Variants in CAD observed in about 807,000 individuals in gnomAD.
The protein encoded by CAD is carbamoyl-phosphate synthetase 2, aspartate transcarbamylase, and dihydroorotase.
Under a neutral mutation model 237.2 loss-of-function variants are expected in CAD, and 81 were observed. The observed-to-expected ratio is 0.34, with a 90% CI of 0.29 to 0.41. The LOEUF is 0.41. CAD is among the 10% of genes least tolerant of loss of function. The pLI is 1.00. For synonymous variants in CAD, 1,196 were observed against 1,162.8 expected, an observed-to-expected ratio of 1.03 and a Z score of -0.58; for missense variants, 2,181 against 2,951.7, an observed-to-expected ratio of 0.74 and a Z score of 6.05.
rs1271441532 is a variant in CAD at position 27,240,013 on chromosome 2, G to C, written c.5496+215G>C. On this transcript the variant is annotated intron_variant, in intron 34 of 43. Coordinates refer to ENST00000264705, the MANE Select transcript of CAD (RefSeq NM_004341.5). The surrounding 1 kb of genome is among the most constrained non-coding windows in gnomAD (Gnocchi z 4.6). ...CCCAGCACTTTGGGAGGCCAAGGCA[G>C]GCGGATCATCTGAGGTCAGGAGTTT... 3 of 586,548 alleles carry C rather than the reference G, an allele frequency of 5.1e-6. No homozygotes were observed. Among genetic ancestry groups the C allele is most frequent in the Non-Finnish European group, 8.9e-6 (3 of 335,858 alleles). 36.3% of individuals were successfully genotyped at this position (586,548 alleles called of 1,614,324 possible). A position where few individuals can be genotyped will look rare whatever the true frequency, so the allele number is the denominator to read the frequency against.
Position 27,243,584 on chromosome 2 carries a change from A to G in CAD, c.*66A>G, listed in dbSNP as rs1261927046. On this transcript the variant is annotated 3_prime_UTR_variant, in exon 44 of 44. Transcript: ENST00000264705. ...TGGGCAAGGAATTCCAGTGCCTCCT[A>G]CGGGGGCAGCACACTTAGATATTCC... The G allele has an allele frequency of 5.1e-6, 6 of 1,166,338 alleles. No homozygotes were observed. Among genetic ancestry groups the G allele is most frequent in the Non-Finnish European group, 7.5e-6 (6 of 802,214 alleles). 72.2% of individuals were successfully genotyped at this position (1,166,338 alleles called of 1,614,324 possible).
intron 15 of CAD, among the ~76,000 whole-genome samples, chr2:27,230,494 C>T (rs1016267127): frequency 6.6e-6 from 1 of 151,892 alleles, no homozygotes; most frequent in African/African-American, 2.4e-5. Flanking sequence ...GACATGGTGA[C>T]ACGCACCTGT....
chr2:27,229,451 A>G (rs1470073304), intron 15 of CAD, among the ~76,000 whole-genome samples: 1 of 151,326 alleles, frequency 6.6e-6, no homozygotes, highest in Non-Finnish European at 1.5e-5. Context: ...TTTAATTATT[A>G]TTTGTAGAGA....
At chr2:27,220,501 T>A (rs567089180) in intron 2 of CAD, among the ~76,000 whole-genome samples, 1 of 151,492 alleles carries the variant, frequency 6.6e-6, no homozygotes, top group Non-Finnish European at 1.5e-5. Flanking sequence ...ATTCAAAAAA[T>A]TAGCCAGGTG....
Position 27,237,907 on chromosome 2 carries a change from G to A in CAD, c.4728+25G>A. 1 of 1,588,474 alleles carries A rather than the reference G, an allele frequency of 6.3e-7. No individual in the cohort carries two copies. Among genetic ancestry groups the A allele is most frequent in the Non-Finnish European group, 8.6e-7 (1 of 1,164,238 alleles). ...GGTAGGGAGTGTGCATGTGGCAGGA[G>A]GCCACCACCCAGTGTCTCCTGGCTT... On this transcript the variant is annotated intron_variant, in intron 29 of 43. Transcript: ENST00000264705. This position sits in a 1 kb window ranked among gnomAD's most constrained non-coding sequence, Gnocchi z 4.0.
chr2:27,240,291 C>G lies in CAD; in HGVS notation c.5523C>G (p.Ile1841Met). 1 of 1,614,082 alleles carries G rather than the reference C, an allele frequency of 6.2e-7. No individual in the cohort carries two copies. Among genetic ancestry groups the G allele is most frequent in the Non-Finnish European group, 8.5e-7 (1 of 1,179,996 alleles). The part of the protein sequence containing the change: ...TTTPERPRRG[I>M]PGLPDGRFHL... ...CACCTGAAAGACCCCGCCGTGGCAT[C>G]CCAGGGCTTCCTGATGGCCGCTTCC... The change falls in exon 35 of 44, where the codon ATC becomes ATG. Residue 1841 changes from isoleucine to methionine, a missense_variant. Physicochemically the swap from Ile to Met is conservative, Grantham distance 10 (BLOSUM62 1). Around this residue, in one of 12 missense-constraint regions of CAD, gnomAD observed 478 missense variants for 515.0 expected, o/e 0.93. Coordinates refer to ENST00000264705, the MANE Select transcript of CAD (RefSeq NM_004341.5). This position sits in a 1 kb window ranked among gnomAD's most constrained non-coding sequence, Gnocchi z 4.6.
chr2:27,219,683 G>T (rs1377748895), intron 2 of CAD, among the ~76,000 whole-genome samples: 1 of 151,984 alleles, frequency 6.6e-6, no homozygotes, highest in Non-Finnish European at 1.5e-5. Flanking sequence ...TCCGCCTCCC[G>T]GGTTCAAGCT....
chr2:27,217,724 C>A, intron 1 of CAD, 91 bp downstream of exon 1: 2 of 1,426,944 alleles, frequency 1.4e-6, no homozygotes, highest in East Asian at 2.4e-5. Context: ...GCCATTTTCC[C>A]GCCAGCGTAC....
intron 15 of CAD, among the ~76,000 whole-genome samples, chr2:27,231,132 A>T (rs1395926688): frequency 2.0e-5 from 3 of 152,136 alleles, no homozygotes; most frequent in African/African-American, 7.2e-5. Flanking sequence ...CAGCCTCTGG[A>T]GTAGCTGGGG....
chr2:27,234,788 C>T (rs1440456635), intron 23 of CAD, 103 bp downstream of exon 23: 3 of 1,120,228 alleles, frequency 2.7e-6, no homozygotes, highest in African/African-American at 1.6e-5. Flanking sequence ...GACTGCAAGG[C>T]ATTGCCGGAT....
intron 15 of CAD, among the ~76,000 whole-genome samples, chr2:27,228,870 C>T (rs1675574405): frequency 6.6e-6 from 1 of 151,742 alleles, no homozygotes. Flanking sequence ...GGATTACAGG[C>T]CACTGTGCCT....
intron 42 of CAD, 55 bp downstream of exon 42, chr2:27,243,028 T>A: frequency 6.8e-7 from 1 of 1,463,070 alleles, no homozygotes; most frequent in Non-Finnish European, 9.4e-7. Flanking sequence ...GCATCAGATA[T>A]GAGGACAGAA....
Position 27,232,605 on chromosome 2 carries a change from G to A in CAD, c.2803G>A (p.Val935Ile). ...TGACCTCACCTTTCGAACACCTCAT[G>A]TCCTAGTCCTTGGCTCTGGCGTCTA... ...THDLTFRTPH[V>I]LVLGSGVYRI... is the part of the protein sequence containing the mutation. Residue 935 changes from valine (V) to isoleucine (I), a missense_variant, in exon 18 of 44, where the codon GTC becomes ATC. Around this residue, in one of 12 missense-constraint regions of CAD, gnomAD observed 385 missense variants for 535.1 expected, o/e 0.72. Transcript: ENST00000264705. This position sits in a 1 kb window ranked among gnomAD's most constrained non-coding sequence, Gnocchi z 4.1. 6.2e-7 allele frequency: 1 copy of A among 1,614,222 alleles called. No homozygotes were observed. The highest frequency in any genetic ancestry group is 1.7e-5 in the Admixed American group (1 of 60,028).
chr2:27,238,754 A>C (rs1572449354), intron 31 of CAD, 122 bp downstream of exon 31: 1 of 910,284 alleles, frequency 1.1e-6, no homozygotes, highest in Non-Finnish European at 1.6e-6. Flanking sequence ...TCCGTATGGG[A>C]CCCTAGCCTC....
chr2:27,240,353 G>A lies in CAD; in HGVS notation c.5585G>A (p.Gly1862Asp). 1.9e-6 allele frequency: 3 copies of A among 1,614,136 alleles called. No homozygotes were observed. Among genetic ancestry groups the A allele is most frequent in the Non-Finnish European group, 2.5e-6 (3 of 1,180,004 alleles). ...PPRIHRASDPGLPAEEPKEKS... is the reference protein window; with the variant it reads ...PPRIHRASDPDLPAEEPKEKS... ...CGAATCCATCGAGCCTCCGACCCAG[G>A]TTTGCCAGGTAAGAGTGGGGTTCCT... Residue 1862 changes from glycine to aspartate, a missense_variant, in exon 35 of 44, where the codon GGT becomes GAT. By Grantham distance (94) the Gly-to-Asp change is moderately conservative (BLOSUM62 -1). This residue lies in a region of CAD where 203 missense variants were observed against 284.5 expected (regional missense o/e 0.71). Coordinates refer to ENST00000264705, the MANE Select transcript of CAD (RefSeq NM_004341.5). This position sits in a 1 kb window ranked among gnomAD's most constrained non-coding sequence, Gnocchi z 4.6.
chr2:27,223,779 T>C (rs747977795), intron 7 of CAD, 31 bp downstream of exon 7: 6 of 1,610,788 alleles, frequency 3.7e-6, no homozygotes, highest in Non-Finnish European at 5.1e-6. Flanking sequence ...CTGTGAAAAT[T>C]TGAAGCCCTG....
chr2:27,231,496 TGAG>T lies in CAD; in HGVS notation c.2321_2323del (p.Glu774del). ...AAGTCATGGGCATTGGGCGTTCATT[TGAG>T]GAGGCCTTCCAGAAGGCCCTGCGCA... On this transcript the variant is annotated inframe_deletion, in exon 16 of 44. Transcript: ENST00000264705. 6.2e-7 allele frequency: 1 copy of T among 1,612,690 alleles called. No homozygotes were observed. Among genetic ancestry groups the T allele is most frequent in the Non-Finnish European group, 8.5e-7 (1 of 1,178,656 alleles).
At position 27,239,012 on chromosome 2, in the gene CAD, T is replaced by G. The variant is rs1472962063; in HGVS notation, c.5063-30T>G. ...ACTTCCTAGACATGGAGGTGATTGGTCCTGAGGGTAATGGCTTTCTTTCTC... is the reference window on the plus strand; with the variant it reads ...ACTTCCTAGACATGGAGGTGATTGGGCCTGAGGGTAATGGCTTTCTTTCTC... On this transcript the variant is annotated intron_variant, in intron 31 of 43. Coordinates refer to ENST00000264705, the MANE Select transcript of CAD (RefSeq NM_004341.5). This position sits in a 1 kb window ranked among gnomAD's most constrained non-coding sequence, Gnocchi z 4.0. 1 of 1,531,012 alleles carries G rather than the reference T, an allele frequency of 6.5e-7. No individual in the cohort carries two copies. 94.8% of individuals were successfully genotyped at this position (1,531,012 alleles called of 1,614,324 possible). A position where few individuals can be genotyped will look rare whatever the true frequency, so the allele number is the denominator to read the frequency against.
At position 27,241,837 on chromosome 2, in the gene CAD, G is replaced by A. The variant is rs1461959383; in HGVS notation, c.5884-74G>A. ...ACAGCACCCCTCAAGTGTCAGTTGGGGTGGTGGTGCCTAGCTGGGGTTTCC... is the reference window on the plus strand; with the variant it reads ...ACAGCACCCCTCAAGTGTCAGTTGGAGTGGTGGTGCCTAGCTGGGGTTTCC... On this transcript the variant is annotated intron_variant, in intron 38 of 43. Transcript: ENST00000264705. The surrounding 1 kb of genome is among the most constrained non-coding windows in gnomAD (Gnocchi z 4.6). The A allele has an allele frequency of 1.6e-6, 2 of 1,216,002 alleles. No homozygotes were observed. Among genetic ancestry groups the A allele is most frequent in the East Asian group, 2.4e-5 (1 of 42,016 alleles). 75.3% of individuals were successfully genotyped at this position (1,216,002 alleles called of 1,614,324 possible).
Sources: allele counts gnomAD v4.1 joint callset (sites outside exome capture counted in the v4.1 genomes callset), GRCh38; gene constraint gnomAD v4.1.1; regional missense constraint gnomAD v4.1.1; non-coding constraint Gnocchi (gnomAD v3.1); transcripts MANE v1.5; gene names NCBI Gene and HGNC (gene_info 2026-07-23, HGNC 2026-07-21).